C14orf39: variants seen among roughly 807,000 people sequenced by gnomAD.
The protein encoded by C14orf39 is protein SIX6OS1.
C14orf39 carries 66 observed loss-of-function variants against 85.6 expected under a neutral mutation model. The ratio of observed to expected loss-of-function variants is 0.77; its 90% CI spans 0.63 to 0.95. The LOEUF is 0.95. Ranked by LOEUF, C14orf39 falls within the 40% of genes least tolerant of loss-of-function variation. The probability of loss-of-function intolerance (pLI) is 0.00; values close to 1 mark genes in which losing one functional copy is unlikely to be tolerated. For synonymous variants in C14orf39, 242 were observed against 214.0 expected (o/e 1.13, Z -1.14); for missense variants, 735 against 663.9 (o/e 1.11, Z -1.18).
chr14:60,483,851 G>C (rs753674783), intron 3 of C14orf39, 34 bp from the exon 4 acceptor site: 12 of 1,378,868 alleles, frequency 8.7e-6, no homozygotes, highest in Non-Finnish European at 1.2e-5. Flanking sequence ...TCTTAATGTA[G>C]AAATAATAAG....
chr14:60,475,656 T>C (rs9989167), intron 5 of C14orf39, among the ~76,000 whole-genome samples: 125,031 of 152,102 alleles, frequency 0.82, 53,012 homozygotes, highest in Non-Finnish European at 0.92. Flanking sequence ...GGAGTAGTCA[T>C]GGCAGATGTT....
chr14:60,463,826 T>C (rs770508104), intron 11 of C14orf39, among the ~76,000 whole-genome samples: 1 of 152,142 alleles, frequency 6.6e-6, no homozygotes, highest in Non-Finnish European at 1.5e-5. Flanking sequence ...AACTTAACTG[T>C]ATTCTGTGTA....
At chr14:60,437,082 C>T in intron 17 of C14orf39, 35 bp from the exon 18 acceptor site, 2 of 1,410,700 alleles carry the variant, frequency 1.4e-6, no homozygotes, top group Non-Finnish European at 1.9e-6. Context: ...TCATGCTCTT[C>T]ATATTATATA....
chr14:60,472,203 A>C (rs1172349587), intron 5 of C14orf39, among the ~76,000 whole-genome samples: 1 of 150,444 alleles, frequency 6.6e-6, no homozygotes, highest in Admixed American at 6.7e-5. Flanking sequence ...TCATTAGCTA[A>C]AATTATCACA....
At chr14:60,459,792 A>G (rs1891437281) in intron 13 of C14orf39, among the ~76,000 whole-genome samples, 1 of 151,884 alleles carries the variant, frequency 6.6e-6, no homozygotes, top group African/African-American at 2.4e-5. Context: ...TACTTTGCAC[A>G]TATTTTTAAT....
chr14:60,509,088 C>T (rs559827351), intron 1 of C14orf39: 5 of 442,790 alleles, frequency 1.1e-5, no homozygotes, highest in South Asian at 2.4e-5. Context: ...ATTGGCAGAG[C>T]CACCCGGTGA....
At chr14:60,483,450 G>A (rs1006791383) in intron 4 of C14orf39, among the ~76,000 whole-genome samples, 3 of 152,164 alleles carry the variant, frequency 2.0e-5, no homozygotes, top group African/African-American at 7.2e-5. Flanking sequence ...TATATACTGA[G>A]CTTATTCAAA....
chr14:60,484,439 A>G lies in C14orf39; in HGVS notation c.106+442T>C, dbSNP rs1892789257. On this transcript the variant is annotated intron_variant, in intron 3 of 17. Transcript: ENST00000321731. This position sits in a 1 kb window ranked among gnomAD's most constrained non-coding sequence, Gnocchi z 4.2. The stretch of plus-strand genomic sequence containing the variant: ...GTTTTGTTGGATCTTAAAATACTAT[A>G]CAGTATTTGTGTGATTTGCCTTGCT... 1.3e-5 allele frequency among the ~76,000 whole-genome samples: 2 copies of G among 152,178 alleles called. No individual in the cohort carries two copies. The highest frequency in any genetic ancestry group is 2.9e-5 in the Non-Finnish European group (2 of 68,026).
intron 1 of C14orf39, among the ~76,000 whole-genome samples, chr14:60,501,306 CAA>C (rs66800067): frequency 2.3e-4 from 24 of 105,598 alleles, no homozygotes; most frequent in African/African-American, 7.4e-4. Flanking sequence ...ACCCTGTCTC[CAA>C]AAAAAAAAAA....
Position 60,471,534 on chromosome 14 carries a change from T to A in C14orf39, c.511+18A>T. The A allele has an allele frequency of 1.3e-6, 2 of 1,581,792 alleles. No homozygotes were observed. The highest frequency in any genetic ancestry group is 2.3e-5 in the South Asian group (2 of 86,162). On this transcript the variant is annotated intron_variant, in intron 6 of 17. Transcript: ENST00000321731. Reference sequence around the variant, plus strand: ...CAAAGATATCATAATTAAAACAATATAACAAAAATATTAATACCTCGAAAT... The same window carrying A: ...CAAAGATATCATAATTAAAACAATAAAACAAAAATATTAATACCTCGAAAT...
intron 1 of C14orf39, chr14:60,511,615 T>C: frequency 7.2e-6 from 3 of 415,346 alleles, no homozygotes; most frequent in Non-Finnish European, 1.3e-5. Context: ...TACATATGTA[T>C]AACTTTCGCT....
chr14:60,440,331 C>T (rs1313869060), intron 17 of C14orf39, among the ~76,000 whole-genome samples: 1 of 152,156 alleles, frequency 6.6e-6, no homozygotes, highest in Non-Finnish European at 1.5e-5. Context: ...TCAAATTACG[C>T]TTAGAGCCTT....
intron 16 of C14orf39, among the ~76,000 whole-genome samples, chr14:60,447,581 A>G (rs933573866): frequency 5.3e-5 from 8 of 152,146 alleles, no homozygotes; most frequent in Non-Finnish European, 8.8e-5. Context: ...ATGCTCATGG[A>G]TAGAAAGACT....
In C14orf39 at chr14:60,494,950, A is replaced by C. The variant is rs546017838; in HGVS notation, c.-9+4346T>G. The C allele has an allele frequency of 5.7e-5, 9 of 157,736 alleles. No homozygotes were observed. The South Asian group carries it at 1.6e-3, about 28-fold the overall frequency. The allele number at this position is 157,736 out of a possible 1,614,324, so 9.8% of individuals were successfully genotyped here. On this transcript the variant is annotated intron_variant, in intron 2 of 5. Coordinates refer to the C14orf39 transcript ENST00000556799. ...TACATTGCCATTCTCACTGGCCATCATTGGCTCAAGACCAGTAAAATCACC... is the reference window on the plus strand; with the variant it reads ...TACATTGCCATTCTCACTGGCCATCCTTGGCTCAAGACCAGTAAAATCACC...
intron 7 of C14orf39, among the ~76,000 whole-genome samples, chr14:60,471,111 G>A (rs1424040307): frequency 6.6e-6 from 1 of 151,782 alleles, no homozygotes; most frequent in Admixed American, 6.6e-5. Flanking sequence ...CAAGTAATAA[G>A]CAATTTAACT....
rs1266873879 is a variant in C14orf39 at position 60,515,153 on chromosome 14, C to A, written c.-144+242G>T. On this transcript the variant is annotated intron_variant, in intron 1 of 5. Transcript: ENST00000556799. The surrounding 1 kb of genome is among the most constrained non-coding windows in gnomAD (Gnocchi z 6.2). ...GCGGCTACCCCCGTGCCCGGCGCCG[C>A]CGACGGGAAGGCAGCGGCGGGGAGG... 1.3e-5 allele frequency: 2 copies of A among 151,982 alleles called. No individual in the cohort carries two copies. The highest frequency in any genetic ancestry group is 6.5e-5 in the Admixed American group (1 of 15,270). The allele number at this position is 151,982 out of a possible 1,614,324, so 9.4% of individuals were successfully genotyped here.
chr14:60,446,954 G>A lies in C14orf39; in HGVS notation c.1504-4823C>T, dbSNP rs932692047. 4.6e-5 allele frequency among the ~76,000 whole-genome samples: 7 copies of A among 152,184 alleles called. No individual in the cohort carries two copies. The South Asian group carries it at 1.0e-3, about 23-fold the overall frequency. ...ACAGAACCAATGACAAAAACCACAC[G>A]ATTATCTCAATAGATGCAGAAAAGG... On this transcript the variant is annotated intron_variant, in intron 16 of 17. Coordinates refer to ENST00000321731, the MANE Select transcript of C14orf39 (RefSeq NM_174978.3).
Position 60,483,826 on chromosome 14 carries a change from A to T in C14orf39, c.107-9T>A. 1 of 1,475,770 alleles carries T rather than the reference A, an allele frequency of 6.8e-7. No homozygotes were observed. Among genetic ancestry groups the T allele is most frequent in the African/African-American group, 1.4e-5 (1 of 70,558 alleles). The allele number at this position is 1,475,770 out of a possible 1,614,324, so 91.4% of individuals were successfully genotyped here. A position where few individuals can be genotyped will look rare whatever the true frequency, so the allele number is the denominator to read the frequency against. On this transcript the variant is annotated splice_polypyrimidine_tract_variant and intron_variant, in intron 3 of 17. Transcript: ENST00000321731. ...AATATCTTCACAGCATTCTACAAAG[A>T]GAAAATGTTTATTTTCTTAATGTAG...
intron 16 of C14orf39, 96 bp downstream of exon 16, chr14:60,454,905 A>C: frequency 1.1e-6 from 1 of 943,526 alleles, no homozygotes; most frequent in Non-Finnish European, 1.5e-6. Context: ...TTCTGTTGAT[A>C]ATCTGCCCCA....
Sources: allele counts gnomAD v4.1 joint callset (sites outside exome capture counted in the v4.1 genomes callset), GRCh38; gene constraint gnomAD v4.1.1; non-coding constraint Gnocchi (gnomAD v3.1); transcripts MANE v1.5; gene names NCBI Gene and HGNC (gene_info 2026-07-23, HGNC 2026-07-21).